CTNNA2: variants seen among roughly 807,000 people sequenced by gnomAD.
CTNNA2 encodes the protein catenin alpha-2.
Under a neutral mutation model 101.0 loss-of-function variants are expected in CTNNA2, and 42 were observed. The observed-to-expected ratio is 0.42, with a 90% CI of 0.32 to 0.54. CTNNA2 has a LOEUF of 0.54. Among genes scored for constraint, CTNNA2 ranks in the 20% least tolerant of loss-of-function variants. The probability of loss-of-function intolerance (pLI) is 0.14; values close to 1 mark genes in which losing one functional copy is unlikely to be tolerated. For missense variants in CTNNA2, 871 were observed against 1,223.1 expected (o/e 0.71, Z 4.29); for synonymous variants, 450 against 456.4 (o/e 0.99, Z 0.18).
chr2:79,394,067 G>C (rs962534947), intron 4 of CTNNA2, among the ~76,000 whole-genome samples: 1 of 151,980 alleles, frequency 6.6e-6, no homozygotes, highest in East Asian at 1.9e-4. Flanking sequence ...CATGATTAAC[G>C]TGGGGGATGA....
At chr2:79,800,913 T>C (rs1415235440) in intron 3 of CTNNA2, among the ~76,000 whole-genome samples, 1 of 152,230 alleles carries the variant, frequency 6.6e-6, no homozygotes, top group African/African-American at 2.4e-5. Context: ...GGAGATTTAC[T>C]GAAAAGAACT....
intron 6 of CTNNA2, among the ~76,000 whole-genome samples, chr2:79,909,058 G>C (rs1265039689): frequency 6.6e-6 from 1 of 152,190 alleles, no homozygotes; most frequent in East Asian, 1.9e-4. Flanking sequence ...TCCTTTTCTA[G>C]AACACTAGCA....
chr2:80,592,884 T>G (rs1164270784), intron 15 of CTNNA2, among the ~76,000 whole-genome samples: 1 of 152,144 alleles, frequency 6.6e-6, no homozygotes, highest in Non-Finnish European at 1.5e-5. Flanking sequence ...TCTCACAAAA[T>G]AAATGTGAAT....
intron 7 of CTNNA2, among the ~76,000 whole-genome samples, chr2:80,378,230 C>G (rs1233177511): frequency 6.6e-6 from 1 of 151,988 alleles, no homozygotes; most frequent in South Asian, 2.1e-4. Context: ...TGGTGGCGCG[C>G]CTTTAATCCC....
At chr2:80,261,798 T>A (rs191483404) in intron 7 of CTNNA2, among the ~76,000 whole-genome samples, 1 of 152,330 alleles carries the variant, frequency 6.6e-6, no homozygotes, top group East Asian at 1.9e-4. Flanking sequence ...CATTTATTAG[T>A]CTAAATCCAA....
At chr2:79,608,547 A>T (rs908273099) in intron 1 of CTNNA2, among the ~76,000 whole-genome samples, 1 of 152,106 alleles carries the variant, frequency 6.6e-6, no homozygotes, top group East Asian at 1.9e-4. Context: ...AATATAGAAA[A>T]ATGTGACTAT....
chr2:79,320,625 A>T (rs1164074175), intron 3 of CTNNA2, among the ~76,000 whole-genome samples: 1 of 152,180 alleles, frequency 6.6e-6, no homozygotes, highest in African/African-American at 2.4e-5. Flanking sequence ...ACAGCCTTGT[A>T]GATGTTGGAA....
chr2:79,401,207 C>T (rs1678286530), intron 4 of CTNNA2, among the ~76,000 whole-genome samples: 2 of 151,606 alleles, frequency 1.3e-5, no homozygotes, highest in African/African-American at 4.8e-5. Context: ...TCATACCGTA[C>T]ATATGCCCAT....
chr2:79,729,074 A>G (rs1247327264), intron 2 of CTNNA2, among the ~76,000 whole-genome samples: 1 of 152,122 alleles, frequency 6.6e-6, no homozygotes, highest in Non-Finnish European at 1.5e-5. Context: ...TAGCACATAG[A>G]ATGTAGAAAT....
chr2:80,030,176 C>T (rs1216116002), intron 7 of CTNNA2, among the ~76,000 whole-genome samples: 1 of 151,278 alleles, frequency 6.6e-6, no homozygotes, highest in Non-Finnish European at 1.5e-5. Flanking sequence ...AGTTAATCAT[C>T]TGCATGCTGT....
chr2:80,302,257 C>T lies in CTNNA2; in HGVS notation c.1057-90954C>T, dbSNP rs1676395997. 1 of 1,612,460 alleles carries T rather than the reference C, an allele frequency of 6.2e-7. No homozygotes were observed. The highest frequency in any genetic ancestry group is 1.3e-5 in the African/African-American group (1 of 74,912). ...TTGAGAGCCACTGGGACAATCACAC[C>T]TCGCATTCCCTCGCGGGCTGCTGGT... On this transcript the variant is annotated intron_variant, in intron 7 of 18. Transcript: ENST00000402739. The surrounding 1 kb of genome is among the most constrained non-coding windows in gnomAD (Gnocchi z 6.4).
chr2:80,450,285 T>C (rs550969503), intron 9 of CTNNA2, among the ~76,000 whole-genome samples: 5 of 152,278 alleles, frequency 3.3e-5, no homozygotes, highest in South Asian at 4.1e-4. Context: ...TATGCAAATT[T>C]CCTTGTTGTA....
chr2:80,484,216 T>C (rs536509324), intron 9 of CTNNA2, among the ~76,000 whole-genome samples: 14 of 152,230 alleles, frequency 9.2e-5, no homozygotes, highest in African/African-American at 3.4e-4. Context: ...TGAATGCGCT[T>C]GTGGTCAATA....
chr2:80,640,592 T>C (rs1463324922), intron 18 of CTNNA2, among the ~76,000 whole-genome samples: 1 of 152,214 alleles, frequency 6.6e-6, no homozygotes, highest in African/African-American at 2.4e-5. Flanking sequence ...CTCTGGAAAA[T>C]GTACGCAGGT....
chr2:79,384,377 TC>T (rs1409350070), intron 4 of CTNNA2, among the ~76,000 whole-genome samples: 3 of 404 alleles, frequency 7.4e-3, no homozygotes, highest in Admixed American at 0.025. Context: ...GCATATTTCT[TC>T]TCTCTCTCTC....
chr2:80,414,688 T>C (rs1161259216), intron 8 of CTNNA2, among the ~76,000 whole-genome samples: 1 of 152,234 alleles, frequency 6.6e-6, no homozygotes, highest in Non-Finnish European at 1.5e-5. Context: ...ACATTTTGAA[T>C]CAAAACCTAT....
At chr2:80,380,258 G>A (rs1180820558) in intron 7 of CTNNA2, among the ~76,000 whole-genome samples, 2 of 151,940 alleles carry the variant, frequency 1.3e-5, no homozygotes, top group African/African-American at 2.4e-5. Flanking sequence ...GGATAATCTC[G>A]ATCTCCTGAC....
chr2:79,566,401 A>G (rs1415019338), intron 1 of CTNNA2, among the ~76,000 whole-genome samples: 2 of 152,012 alleles, frequency 1.3e-5, no homozygotes, highest in Non-Finnish European at 2.9e-5. Context: ...TATAAAAAAC[A>G]CTCTTTGTTA....
At chr2:79,573,235 CT>C (rs1044522407) in intron 1 of CTNNA2, among the ~76,000 whole-genome samples, 1 of 152,132 alleles carries the variant, frequency 6.6e-6, no homozygotes, top group Admixed American at 6.6e-5. Context: ...TTACAACGAA[CT>C]TTTTTTGTCA....
Sources: gnomAD v4.1 joint callset for allele counts (sites outside exome capture counted in the v4.1 genomes callset) on GRCh38, gnomAD v4.1.1 for gene constraint, Gnocchi (gnomAD v3.1) non-coding constraint, MANE v1.5 for transcripts, NCBI Gene and HGNC (gene_info 2026-07-23, HGNC 2026-07-21) for gene names.